The following OTOP2 variants were observed in gnomAD, a reference collection of about 807,000 sequenced individuals.
OTOP2 encodes the protein proton channel OTOP2.
A neutral mutation model predicts 47.4 loss-of-function variants in OTOP2; 41 were observed. The ratio of observed to expected loss-of-function variants is 0.87; its 90% CI spans 0.67 to 1.12. The LOEUF (loss-of-function observed/expected upper bound fraction) is 1.12. OTOP2 is among the 50% of genes most tolerant of loss of function. The pLI, the probability that OTOP2 is intolerant of heterozygous loss-of-function variation, is 0.00. For synonymous variants in OTOP2, 328 were observed against 319.6 expected, an observed-to-expected ratio of 1.03 and a Z score of -0.28; for missense variants, 721 against 752.2, an observed-to-expected ratio of 0.96 and a Z score of 0.49.
intron 2 of OTOP2, 90 bp from the exon 3 acceptor site, chr17:74,925,465 CT>C: frequency 1.9e-6 from 3 of 1,540,856 alleles, no homozygotes; most frequent in Non-Finnish European, 2.6e-6. Context: ...CCCATCTAGC[CT>C]CCCATCCTCA....
chr17:74,924,691 C>T lies in OTOP2; in HGVS notation c.59C>T (p.Pro20Leu). Residue 20 changes from proline to leucine, a missense_variant, in exon 2 of 7, where the codon CCC (proline) becomes CTC (leucine). Coordinates refer to ENST00000331427, the MANE Select transcript of OTOP2 (RefSeq NM_178160.3). This position sits in a 1 kb window ranked among gnomAD's most constrained non-coding sequence, Gnocchi z 7.7. ...KESPPAPRAG[P>L]REVWKKGGRL... Reference sequence around the variant, plus strand: ...AGCCCCCCGGCGCCGCGTGCGGGCCCCAGGGAGGTGTGGAAGAAGGGTGGC... The same window carrying T: ...AGCCCCCCGGCGCCGCGTGCGGGCCTCAGGGAGGTGTGGAAGAAGGGTGGC... 1 of 1,601,584 alleles carries T rather than the reference C, an allele frequency of 6.2e-7. No individual in the cohort carries two copies. Among genetic ancestry groups the T allele is most frequent in the South Asian group, 1.1e-5 (1 of 89,568 alleles).
chr17:74,933,003 C>A lies in OTOP2; in HGVS notation c.1519-372C>A, dbSNP rs560089811. On this transcript the variant is annotated intron_variant, in intron 6 of 6. Coordinates refer to ENST00000331427, the MANE Select transcript of OTOP2 (RefSeq NM_178160.3). The surrounding 1 kb of genome is among the most constrained non-coding windows in gnomAD (Gnocchi z 4.7). The stretch of plus-strand genomic sequence containing the variant: ...CTATCTGATTCTGCCACCCCCACCC[C>A]TGTGCACAAAACCCCCCAGGACAGA... 6.6e-6 allele frequency among the ~76,000 whole-genome samples: 1 copy of A among 152,130 alleles called. No homozygotes were observed. The highest frequency in any genetic ancestry group is 2.1e-4 in the South Asian group (1 of 4,818).
intron 3 of OTOP2, among the ~76,000 whole-genome samples, chr17:74,926,694 A>G (rs897476600): frequency 6.6e-6 from 1 of 152,132 alleles, no homozygotes; most frequent in Non-Finnish European, 1.5e-5. Context: ...ACTATTTTAT[A>G]CAAACTGTGT....
Position 74,930,807 on chromosome 17 carries a change from T to C in OTOP2, c.1172T>C (p.Val391Ala). The change falls in exon 6 of 7, where the codon GTG becomes GCG. Residue 391 changes from valine to alanine, a missense_variant. Physicochemically the swap from Val to Ala is moderately conservative, Grantham distance 64. Transcript: ENST00000331427. The surrounding 1 kb of genome is among the most constrained non-coding windows in gnomAD (Gnocchi z 4.0). The part of the protein sequence containing the change: ...AISYYSIVAV[V>A]AGTPQDLLAG... Reference sequence around the variant, plus strand: ...TCTTACTACTCCATCGTGGCTGTGGTGGCGGGCACACCCCAGGACCTGCTG... The same window carrying C: ...TCTTACTACTCCATCGTGGCTGTGGCGGCGGGCACACCCCAGGACCTGCTG... The C allele has an allele frequency of 6.2e-7, 1 of 1,614,102 alleles. No individual in the cohort carries two copies. Among genetic ancestry groups the C allele is most frequent in the Non-Finnish European group, 8.5e-7 (1 of 1,180,028 alleles).
rs750276323 is a variant in OTOP2, at chr17:74,930,421, G to T, written c.786G>T (p.Trp262Cys). ...CCTCCACCATGCTGTATGTCATGTG[G>T]AAGAATGTGGGTAGATTCCTGGCCT... ...LFASTMLYVM[W>C]KNVGRFLAST... Residue 262 changes from tryptophan (W) to cysteine (C), a missense_variant, in exon 6 of 7, where the codon TGG becomes TGT. By Grantham distance (215) the Trp-to-Cys change is radical. Transcript: ENST00000331427. This position sits in a 1 kb window ranked among gnomAD's most constrained non-coding sequence, Gnocchi z 4.0. The T allele has an allele frequency of 1.4e-5, 23 of 1,614,152 alleles. No individual in the cohort carries two copies. The African/African-American group carries it at 2.0e-4, about 14-fold the overall frequency.
At position 74,924,902 on chromosome 17, in the gene OTOP2, G is replaced by C; in HGVS notation, c.270G>C (p.Ala90=). 1 of 1,592,056 alleles carries C rather than the reference G, an allele frequency of 6.3e-7. No homozygotes were observed. The highest frequency in any genetic ancestry group is 1.1e-5 in the South Asian group (1 of 87,940). ...TCCGAACCGTGCGCTGCCCCTGCGC[G>C]GTACCCTACCGGGACGCGCACGCTG... The part of the protein sequence containing the change: ...YLLRTVRCPC[A]VPYRDAHAGP... The change falls in exon 2 of 7, where the codon GCG becomes GCC. Residue 90 remains alanine, a synonymous_variant. Transcript: ENST00000331427. This position sits in a 1 kb window ranked among gnomAD's most constrained non-coding sequence, Gnocchi z 7.7.
chr17:74,927,357 T>A, intron 4 of OTOP2, 76 bp downstream of exon 4: 1 of 1,494,714 alleles, frequency 6.7e-7, no homozygotes, highest in African/African-American at 1.4e-5. Context: ...CTTTCCACCC[T>A]GGGGCAGGGC....
At chr17:74,927,427 C>A in intron 4 of OTOP2, 146 bp downstream of exon 4, 1 of 1,097,176 alleles carries the variant, frequency 9.1e-7, no homozygotes, top group Non-Finnish European at 1.4e-6. Flanking sequence ...GTCAGGCTGA[C>A]TTCCACTACC....
chr17:74,924,861 A>T lies in OTOP2; in HGVS notation c.229A>T (p.Ile77Phe). The T allele has an allele frequency of 6.2e-7, 1 of 1,606,574 alleles. No individual in the cohort carries two copies. The highest frequency in any genetic ancestry group is 1.1e-5 in the South Asian group (1 of 89,636). Residue 77 changes from isoleucine to phenylalanine, a missense_variant, in exon 2 of 7, where the codon ATC becomes TTC. Ile to Phe is a conservative substitution (Grantham distance 21). Transcript: ENST00000331427. The surrounding 1 kb of genome is among the most constrained non-coding windows in gnomAD (Gnocchi z 7.7). Reference sequence around the variant, plus strand: ...GATGATGCTGCTGGCAACGCTCTGGATCCTCTTCTACCTCCTCCGAACCGT... The same window carrying T: ...GATGATGCTGCTGGCAACGCTCTGGTTCCTCTTCTACCTCCTCCGAACCGT... ...TAMMLLATLW[I>F]LFYLLRTVRC...
Position 74,924,671 on chromosome 17 carries a change from C to G in OTOP2, c.39C>G (p.Pro13=). 1 of 1,593,858 alleles carries G rather than the reference C, an allele frequency of 6.3e-7. No individual in the cohort carries two copies. Residue 13 remains proline, a synonymous_variant, in exon 2 of 7, where the codon CCC becomes CCG. Transcript: ENST00000331427. This position sits in a 1 kb window ranked among gnomAD's most constrained non-coding sequence, Gnocchi z 7.7. The part of the protein sequence containing the change: ...EELAQGPKES[P]PAPRAGPREV... The stretch of plus-strand genomic sequence containing the variant: ...TGGCCCAGGGCCCCAAGGAGAGCCC[C>G]CCGGCGCCGCGTGCGGGCCCCAGGG...
rs777873109 is a variant in OTOP2, at chr17:74,924,806, C to G, written c.174C>G (p.Tyr58Ter). The G allele has an allele frequency of 6.2e-7, 1 of 1,611,672 alleles. No homozygotes were observed. The highest frequency in any genetic ancestry group is 1.7e-5 in the Admixed American group (1 of 59,796). ...GAGCCTTCAACAAGGTGGCCGTGTA[C>G]GACACCGACGTGTTCGCGCTGCTCA... ...SGGAFNKVAV[Y>*]DTDVFALLTA... The change falls in exon 2 of 7, where the codon TAC (tyrosine) becomes TAG (stop). Residue 58 changes from tyrosine (Y) to a stop codon, truncating the protein, a stop_gained. Coordinates refer to ENST00000331427, the MANE Select transcript of OTOP2 (RefSeq NM_178160.3). LOFTEE classifies it high-confidence loss of function. The surrounding 1 kb of genome is among the most constrained non-coding windows in gnomAD (Gnocchi z 7.7).
At position 74,927,646 on chromosome 17, in the gene OTOP2, C is replaced by A. The variant is rs1490382439; in HGVS notation, c.510-19C>A. The A allele has an allele frequency of 6.2e-7, 1 of 1,605,234 alleles. No homozygotes were observed. Reference sequence around the variant, plus strand: ...AAAGGGTCACAGGCCTCTTTGTCCCCACCCCTGACCCCAAACAGGTGTGGT... The same window carrying A: ...AAAGGGTCACAGGCCTCTTTGTCCCAACCCCTGACCCCAAACAGGTGTGGT... On this transcript the variant is annotated intron_variant, in intron 4 of 6. Transcript: ENST00000331427.
intron 5 of OTOP2, among the ~76,000 whole-genome samples, chr17:74,928,523 G>A (rs1416505752): frequency 2.0e-5 from 3 of 152,092 alleles, no homozygotes. Flanking sequence ...GGTAAGGGTG[G>A]CAATTTACTG....
chr17:74,931,019 C>T lies in OTOP2; in HGVS notation c.1384C>T (p.Pro462Ser), dbSNP rs755894926. The change falls in exon 6 of 7, where the codon CCC (proline) becomes TCC (serine). Residue 462 changes from proline to serine, a missense_variant. Transcript: ENST00000331427. ...DALHTLSACP[P>S]NPGLVSPSPS... ...CCTCCACACGTTGTCCGCCTGCCCA[C>T]CCAACCCCGGGCTGGTTAGCCCCAG... 4 of 1,614,202 alleles carry T rather than the reference C, an allele frequency of 2.5e-6. No individual in the cohort carries two copies. The highest frequency in any genetic ancestry group is 1.6e-4 in the Middle Eastern group (1 of 6,062).
In OTOP2 at chr17:74,931,016, C is replaced by T; in HGVS notation, c.1381C>T (p.Pro461Ser). 2.5e-6 allele frequency: 4 copies of T among 1,614,184 alleles called. No individual in the cohort carries two copies. The highest frequency in any genetic ancestry group is 3.4e-6 in the Non-Finnish European group (4 of 1,180,042). ...LDALHTLSACPPNPGLVSPSP... is the reference protein window; with the variant it reads ...LDALHTLSACSPNPGLVSPSP... ...TGCCCTCCACACGTTGTCCGCCTGCCCACCCAACCCCGGGCTGGTTAGCCC... is the reference window on the plus strand; with the variant it reads ...TGCCCTCCACACGTTGTCCGCCTGCTCACCCAACCCCGGGCTGGTTAGCCC... The change falls in exon 6 of 7, where the codon CCA (proline) becomes TCA (serine). Residue 461 changes from proline to serine, a missense_variant. Pro to Ser is a moderately conservative substitution (Grantham distance 74, BLOSUM62 -1). Transcript: ENST00000331427.
At chr17:74,928,197 A>T (rs1033840978) in intron 5 of OTOP2, among the ~76,000 whole-genome samples, 2 of 152,112 alleles carry the variant, frequency 1.3e-5, no homozygotes, top group Non-Finnish European at 2.9e-5. Context: ...ACAAAAAAAT[A>T]GCCCATTGTG....
In OTOP2 at chr17:74,930,914, C is replaced by T. The variant is rs376021093; in HGVS notation, c.1279C>T (p.Arg427Ter). 1.9e-6 allele frequency: 3 copies of T among 1,613,888 alleles called. No homozygotes were observed. Among genetic ancestry groups the T allele is most frequent in the Non-Finnish European group, 2.5e-6 (3 of 1,180,010 alleles). ...CATGTTTATCATCGAGAGCCTTCAC[C>T]GAGGACCGCCCGGGGCTGAGCCTCA... is the stretch of plus-strand genomic sequence containing the variant. ...QNMFIIESLH[R>*]GPPGAEPHST... The change falls in exon 6 of 7, where the codon CGA becomes TGA. Residue 427 changes from arginine (R) to a stop codon, truncating the protein, a stop_gained. Transcript: ENST00000331427. LOFTEE classifies it high-confidence loss of function. This position sits in a 1 kb window ranked among gnomAD's most constrained non-coding sequence, Gnocchi z 4.0.
At position 74,930,359 on chromosome 17, in the gene OTOP2, T is replaced by C; in HGVS notation, c.724T>C (p.Tyr242His). The C allele has an allele frequency of 1.2e-6, 2 of 1,614,186 alleles. No individual in the cohort carries two copies. The highest frequency in any genetic ancestry group is 1.7e-6 in the Non-Finnish European group (2 of 1,180,038). Residue 242 changes from tyrosine (Y) to histidine (H), a missense_variant, in exon 6 of 7, where the codon TAC (tyrosine) becomes CAC (histidine). By Grantham distance (83) the Tyr-to-His change is moderately conservative. Transcript: ENST00000331427. The surrounding 1 kb of genome is among the most constrained non-coding windows in gnomAD (Gnocchi z 4.0). ...CCAGATCTTCCAGCAGGGGTACTTC[T>C]ACCTATATCCCTTCAACATCGAGTA... ...VCQIFQQGYFYLYPFNIEYSL... is the reference protein window; with the variant it reads ...VCQIFQQGYFHLYPFNIEYSL...
chr17:74,931,213 T>C, intron 6 of OTOP2, 60 bp downstream of exon 6: 11 of 1,531,616 alleles, frequency 7.2e-6, no homozygotes, highest in Non-Finnish European at 7.9e-6. Flanking sequence ...AGGATGCTCT[T>C]GCAGGCTTAA....
Sources: allele counts gnomAD v4.1 joint callset (sites outside exome capture counted in the v4.1 genomes callset), GRCh38; gene constraint gnomAD v4.1.1; non-coding constraint Gnocchi (gnomAD v3.1); transcripts MANE v1.5; gene names NCBI Gene and HGNC (gene_info 2026-07-23, HGNC 2026-07-21).